Variants in DCAF8L2 observed in about 807,000 individuals in gnomAD.
The protein encoded by DCAF8L2 is DDB1- and CUL4-associated factor 8-like protein 2.
For synonymous variants in DCAF8L2, 200 were observed against 190.9 expected, an observed-to-expected ratio of 1.05 and a Z score of -0.39; for missense variants, 430 against 490.7, an observed-to-expected ratio of 0.88 and a Z score of 1.17.
upstream of DCAF8L2, among the ~76,000 whole-genome samples, chrX:27,587,985 A>AAAAAAAAAAT: frequency 2.5e-3 from 55 of 22,350 alleles, no homozygotes; most frequent in African/African-American, 5.3e-3. Flanking sequence ...TAAAAAAAAA[A>AAAAAAAAAAT]ATATATATAT....
intron 3 of DCAF8L2, among the ~76,000 whole-genome samples, chrX:27,698,786 A>G (rs904236129): frequency 1.8e-5 from 2 of 112,312 alleles, no homozygotes; most frequent in Admixed American, 9.5e-5. Context: ...TCTCAAATGT[A>G]TGAAACAATT....
chrX:27,477,617 G>A, the DCAF8L2 span, among the ~76,000 whole-genome samples: 2 of 111,601 alleles, frequency 1.8e-5, no homozygotes, highest in South Asian at 7.6e-4. Context: ...ACTTTATTTT[G>A]ACTTCTTTCT....
chrX:27,707,043 T>C (rs370118390), intron 3 of DCAF8L2, among the ~76,000 whole-genome samples: 3 of 111,704 alleles, frequency 2.7e-5, no homozygotes, highest in South Asian at 7.5e-4. Flanking sequence ...GAACACATAT[T>C]GTATGGTTTC....
chrX:27,596,589 A>T (rs1023454193), intron 1 of DCAF8L2, among the ~76,000 whole-genome samples: 2 of 111,611 alleles, frequency 1.8e-5, no homozygotes, highest in African/African-American at 6.5e-5. Flanking sequence ...TTGCTATGAA[A>T]AAGTTCACCT....
At chrX:27,512,872 G>GATC in the DCAF8L2 span, among the ~76,000 whole-genome samples, 2 of 80,685 alleles carry the variant, frequency 2.5e-5, no homozygotes, top group East Asian at 8.0e-4. Flanking sequence ...AAACAAAACA[G>GATC]ATCAGTACTG....
At chrX:27,652,367 A>G (rs1256402740) in intron 2 of DCAF8L2, among the ~76,000 whole-genome samples, 1 of 111,719 alleles carries the variant, frequency 9.0e-6, no homozygotes, top group East Asian at 2.8e-4. Context: ...TCAGCTTACA[A>G]GAAAGATTGA....
intron 4 of DCAF8L2, among the ~76,000 whole-genome samples, chrX:27,722,687 A>T (rs1459277843): frequency 9.0e-6 from 1 of 110,854 alleles, no homozygotes; most frequent in Non-Finnish European, 1.9e-5. Flanking sequence ...CTTAAAGCAC[A>T]TGTTTATTAT....
chrX:27,597,722 A>G (rs180771424), intron 1 of DCAF8L2, among the ~76,000 whole-genome samples: 3 of 112,291 alleles, frequency 2.7e-5, no homozygotes, highest in Non-Finnish European at 5.6e-5. Flanking sequence ...GTGGAATTCA[A>G]TTCTGCAATA....
chrX:27,610,349 A>G (rs973674913), intron 1 of DCAF8L2, among the ~76,000 whole-genome samples: 4 of 110,541 alleles, frequency 3.6e-5, no homozygotes, highest in African/African-American at 3.3e-5. Context: ...TAATGGGCCT[A>G]TTCTCCAGTT....
chrX:27,471,482 G>A, the DCAF8L2 span, among the ~76,000 whole-genome samples: 6 of 111,107 alleles, frequency 5.4e-5, no homozygotes, highest in African/African-American at 2.0e-4. Context: ...CTTTGTTCCA[G>A]CTCACTGTCC....
chrX:27,478,887 G>A, the DCAF8L2 span, among the ~76,000 whole-genome samples: 2 of 111,767 alleles, frequency 1.8e-5, no homozygotes, highest in Non-Finnish European at 3.8e-5. Context: ...TCATCACTGT[G>A]ATAAGAGCCT....
intron 4 of DCAF8L2, among the ~76,000 whole-genome samples, chrX:27,727,425 CTATGACTCATT>C (rs941575218): frequency 2.7e-4 from 30 of 111,303 alleles, no homozygotes; most frequent in African/African-American, 9.8e-4. Context: ...AGATATTCTT[CTATGACTCATT>C]TATGCCCATT....
At chrX:27,486,053 T>C in the DCAF8L2 span, among the ~76,000 whole-genome samples, 1 of 105,099 alleles carries the variant, frequency 9.5e-6, no homozygotes, top group South Asian at 4.5e-4. Context: ...TCGCCCAGGC[T>C]GGAGTGCAGT....
intron 4 of DCAF8L2, among the ~76,000 whole-genome samples, chrX:27,743,512 C>T (rs987291073): frequency 1.8e-5 from 2 of 109,114 alleles, no homozygotes; most frequent in African/African-American, 3.3e-5. Flanking sequence ...ATTTTTGTGC[C>T]TCAGCCTCCC....
chrX:27,652,573 A>G (rs1281037475), intron 2 of DCAF8L2, among the ~76,000 whole-genome samples: 3 of 112,025 alleles, frequency 2.7e-5, no homozygotes, highest in Non-Finnish European at 3.8e-5. Flanking sequence ...GTGTCTTTAC[A>G]CTAATTTAGA....
the DCAF8L2 span, among the ~76,000 whole-genome samples, chrX:27,529,144 A>G: frequency 9.0e-6 from 1 of 111,701 alleles, no homozygotes; most frequent in Non-Finnish European, 1.9e-5. Context: ...CCCCCTGTCA[A>G]TTTACATTTG....
intron 4 of DCAF8L2, among the ~76,000 whole-genome samples, chrX:27,720,376 T>A: frequency 9.4e-6 from 1 of 106,237 alleles, no homozygotes; most frequent in Non-Finnish European, 1.9e-5. Context: ...ATTATTATTA[T>A]TTTTTTTTGA....
intron 1 of DCAF8L2, among the ~76,000 whole-genome samples, chrX:27,604,544 C>A (rs191931466): frequency 6.3e-5 from 7 of 111,181 alleles, no homozygotes; most frequent in Admixed American, 2.9e-4. Flanking sequence ...GAGGTATGGA[C>A]GTTGCAGAAA....
the DCAF8L2 span, among the ~76,000 whole-genome samples, chrX:27,547,871 T>TCTCTC: frequency 5.2e-4 from 10 of 19,252 alleles, no homozygotes; most frequent in Middle Eastern, 0.025. Context: ...CTCTCTCTCT[T>TCTCTC]TCTCTCTCTC....
Sources: gnomAD v4.1 joint callset for allele counts (sites outside exome capture counted in the v4.1 genomes callset) on GRCh38, gnomAD v4.1.1 for gene constraint, MANE v1.5 for transcripts, NCBI Gene and HGNC (gene_info 2026-07-23, HGNC 2026-07-21) for gene names.